Variants in NCKAP5 observed in about 807,000 individuals in gnomAD.
NCKAP5 encodes NCK associated protein 5.
Under a neutral mutation model 167.0 loss-of-function variants are expected in NCKAP5, and 92 were observed. That is an observed-to-expected ratio of 0.55 (90% CI 0.47 to 0.66). NCKAP5 has a LOEUF of 0.66. Ranked by LOEUF, NCKAP5 falls within the 30% of genes least tolerant of loss-of-function variation. NCKAP5 has a pLI of 0.00. For synonymous variants in NCKAP5, 891 were observed against 877.4 expected (o/e 1.02, Z -0.27); for missense variants, 2,378 against 2,315.0 (o/e 1.03, Z -0.56).
chr2:133,079,503 G>C (rs554986063), intron 6 of NCKAP5, among the ~76,000 whole-genome samples: 9 of 152,054 alleles, frequency 5.9e-5, no homozygotes, highest in African/African-American at 2.2e-4. Context: ...TTCTATTTTT[G>C]CCCAGTAGAA....
chr2:133,015,234 A>G (rs947492702), intron 6 of NCKAP5, among the ~76,000 whole-genome samples: 2 of 152,182 alleles, frequency 1.3e-5, no homozygotes, highest in Non-Finnish European at 2.9e-5. Context: ...ACATGAAGAA[A>G]TGTGCTGCTT....
chr2:133,492,610 T>G (rs1203707406), intron 3 of NCKAP5, among the ~76,000 whole-genome samples: 1 of 152,194 alleles, frequency 6.6e-6, no homozygotes, highest in African/African-American at 2.4e-5. Context: ...ATTTAATTAT[T>G]CCAAGCCTCA....
chr2:132,938,520 G>A (rs191098752), intron 8 of NCKAP5, among the ~76,000 whole-genome samples: 1 of 152,210 alleles, frequency 6.6e-6, no homozygotes, highest in East Asian at 1.9e-4. Flanking sequence ...ATCTCAGACC[G>A]AGACTCTCCC....
intron 7 of NCKAP5, among the ~76,000 whole-genome samples, chr2:132,966,525 T>C (rs910746116): frequency 6.6e-6 from 1 of 152,208 alleles, no homozygotes. Flanking sequence ...ACAATGGTTA[T>C]GTTCTCTAAA....
intron 5 of NCKAP5, among the ~76,000 whole-genome samples, chr2:133,163,017 C>T (rs1381452922): frequency 2.6e-5 from 4 of 152,086 alleles, no homozygotes; most frequent in African/African-American, 9.7e-5. Flanking sequence ...AAGGAAACTC[C>T]AATATTCAGT....
intron 2 of NCKAP5, among the ~76,000 whole-genome samples, chr2:133,549,658 T>G (rs1474798534): frequency 1.5e-5 from 2 of 136,162 alleles, no homozygotes; most frequent in African/African-American, 5.4e-5. Flanking sequence ...GATCCAAAAT[T>G]GACACCCTAA....
chr2:133,224,843 G>A (rs979484876), intron 4 of NCKAP5, among the ~76,000 whole-genome samples: 10 of 151,922 alleles, frequency 6.6e-5, no homozygotes, highest in African/African-American at 1.7e-4. Flanking sequence ...CTTCTTCCTC[G>A]AGTGTAAAGT....
At chr2:132,696,100 T>A (rs1427719109) in intron 19 of NCKAP5, among the ~76,000 whole-genome samples, 2 of 152,228 alleles carry the variant, frequency 1.3e-5, no homozygotes, top group Non-Finnish European at 1.5e-5. Flanking sequence ...ATACTTATTT[T>A]AAAGTGGCAA....
At chr2:132,786,750 C>CTGTTGGG (rs1304015540) in intron 13 of NCKAP5, among the ~76,000 whole-genome samples, 1 of 152,094 alleles carries the variant, frequency 6.6e-6, no homozygotes, top group Admixed American at 6.5e-5. Flanking sequence ...ACAACTGAGA[C>CTGTTGGG]TCATTGTTGG....
At chr2:133,328,120 A>G (rs913239516) in intron 3 of NCKAP5, among the ~76,000 whole-genome samples, 6 of 152,198 alleles carry the variant, frequency 3.9e-5, no homozygotes, top group Admixed American at 2.0e-4. Context: ...ATTTGAAAAA[A>G]TGTTCCTCTG....
At chr2:133,450,146 C>T (rs569172479) in intron 3 of NCKAP5, among the ~76,000 whole-genome samples, 4 of 143,796 alleles carry the variant, frequency 2.8e-5, no homozygotes, top group Admixed American at 6.7e-5. Flanking sequence ...CGCGTGCGTG[C>T]GTGCACACAC....
chr2:132,832,469 C>T (rs1687591928), intron 11 of NCKAP5, among the ~76,000 whole-genome samples: 1 of 152,046 alleles, frequency 6.6e-6, no homozygotes, highest in African/African-American at 2.4e-5. Flanking sequence ...AGGTATTCAT[C>T]AGCCAAATAA....
At chr2:133,571,562 T>C (rs542111700), upstream of NCKAP5, among the ~76,000 whole-genome samples, 1 of 152,306 alleles carries the variant, frequency 6.6e-6, no homozygotes, top group African/African-American at 2.4e-5. Context: ...GGCACATATA[T>C]GGCTATTTAC....
intron 3 of NCKAP5, among the ~76,000 whole-genome samples, chr2:133,394,850 A>T (rs1448185886): frequency 2.0e-5 from 3 of 152,234 alleles, no homozygotes; most frequent in African/African-American, 7.2e-5. Flanking sequence ...TAAATCATGC[A>T]TGAAAATGCA....
intron 16 of NCKAP5, among the ~76,000 whole-genome samples, chr2:132,745,889 C>G (rs1259825200): frequency 1.3e-5 from 2 of 151,838 alleles, no homozygotes; most frequent in African/African-American, 4.8e-5. Context: ...ACCTTGTACA[C>G]TAAGAAGTAC....
chr2:133,318,307 A>T (rs1230919191), intron 3 of NCKAP5, among the ~76,000 whole-genome samples: 2 of 152,166 alleles, frequency 1.3e-5, no homozygotes, highest in African/African-American at 4.8e-5. Context: ...CTTTTTTCCA[A>T]TAAAGAGACT....
At chr2:133,494,748 C>T (rs944553896) in intron 3 of NCKAP5, among the ~76,000 whole-genome samples, 4 of 152,142 alleles carry the variant, frequency 2.6e-5, no homozygotes, top group Non-Finnish European at 5.9e-5. Flanking sequence ...TCCAGCCTAG[C>T]TCTGGTATAG....
chr2:133,177,185 T>TATATACAA (rs1350645832), intron 5 of NCKAP5, among the ~76,000 whole-genome samples: 2 of 145,402 alleles, frequency 1.4e-5, no homozygotes, highest in Non-Finnish European at 3.0e-5. Context: ...TATATATATA[T>TATATACAA]ATACTCAAGA....
At chr2:133,261,812 T>G (rs1294928399) in intron 4 of NCKAP5, among the ~76,000 whole-genome samples, 9 of 152,210 alleles carry the variant, frequency 5.9e-5, no homozygotes, top group Admixed American at 3.3e-4. Flanking sequence ...CAGCAATATT[T>G]AATAACCCAG....
Sources: allele counts gnomAD v4.1 joint callset (sites outside exome capture counted in the v4.1 genomes callset), GRCh38; gene constraint gnomAD v4.1.1; transcripts MANE v1.5; gene names NCBI Gene and HGNC (gene_info 2026-07-23, HGNC 2026-07-21).